Variants in CFAP46 observed in about 807,000 individuals in gnomAD.
CFAP46 encodes cilia- and flagella-associated protein 46.
Under a neutral mutation model 325.7 loss-of-function variants are expected in CFAP46, and 245 were observed. The observed-to-expected ratio is 0.75, with a 90% CI of 0.68 to 0.84. The LOEUF is 0.84. Ranked by LOEUF, CFAP46 falls within the 40% of genes least tolerant of loss-of-function variation. The pLI, the probability that CFAP46 is intolerant of heterozygous loss-of-function variation, is 0.00. For synonymous variants in CFAP46, 1,523 were observed against 1,495.9 expected (o/e 1.02, Z -0.42); for missense variants, 3,346 against 3,543.0 (o/e 0.94, Z 1.41).
intron 19 of CFAP46, among the ~76,000 whole-genome samples, chr10:132,912,312 GTC>G (rs1471809153): frequency 1.5e-5 from 1 of 66,468 alleles, no homozygotes; most frequent in Non-Finnish European, 2.5e-5. Context: ...TCTTTCTCCT[GTC>G]TCTTCTCCTC....
intron 39 of CFAP46, among the ~76,000 whole-genome samples, chr10:132,852,629 A>G (rs1370266933): frequency 6.6e-6 from 1 of 152,200 alleles, no homozygotes; most frequent in African/African-American, 2.4e-5. Flanking sequence ...CCATTTACTT[A>G]GACATTCTCA....
At position 132,877,033 on chromosome 10, in the gene CFAP46, C is replaced by T; in HGVS notation, c.4213-72G>A. On this transcript the variant is annotated intron_variant, in intron 30 of 57. Transcript: ENST00000368586. This position sits in a 1 kb window ranked among gnomAD's most constrained non-coding sequence, Gnocchi z 5.7. ...ACAGCAGACACCCCCGGCCCACCGG[C>T]ATGGCTGTGCAGCATTCAGGCCACA... The T allele has an allele frequency of 1.4e-6, 2 of 1,468,238 alleles. No homozygotes were observed. The highest frequency in any genetic ancestry group is 1.3e-5 in the South Asian group (1 of 74,268). The allele number at this position is 1,468,238 out of a possible 1,614,324, so 91.0% of individuals were successfully genotyped here.
chr10:132,810,864 C>G (rs549578858), intron 56 of CFAP46, 86 bp downstream of exon 56: 3 of 1,259,744 alleles, frequency 2.4e-6, no homozygotes, highest in Non-Finnish European at 3.4e-6. Context: ...GACCCCAGGT[C>G]CCTCCTCCCT....
intron 50 of CFAP46, among the ~76,000 whole-genome samples, chr10:132,829,358 G>A (rs1045503161): frequency 6.6e-6 from 1 of 152,178 alleles, no homozygotes; most frequent in Admixed American, 6.5e-5. Flanking sequence ...ATTTCTGATA[G>A]TTAGTTATAT....
At chr10:132,821,513 G>A (rs1163504758) in intron 50 of CFAP46, among the ~76,000 whole-genome samples, 1 of 142,342 alleles carries the variant, frequency 7.0e-6, no homozygotes, top group Non-Finnish European at 1.5e-5. Context: ...TGTGTGCGCT[G>A]TGTGCTGTGT....
rs773470438 is a variant in CFAP46, at chr10:132,919,304, C to T, written c.1858+11G>A. 56 of 1,547,504 alleles carry T rather than the reference C, an allele frequency of 3.6e-5. No homozygotes were observed. Among genetic ancestry groups the T allele is most frequent in the Admixed American group, 1.4e-4 (7 of 50,786 alleles). On this transcript the variant is annotated intron_variant, in intron 15 of 57. Coordinates refer to ENST00000368586, the MANE Select transcript of CFAP46 (RefSeq NM_001200049.3). The surrounding 1 kb of genome is among the most constrained non-coding windows in gnomAD (Gnocchi z 9.7). ...CCAGGCTGGGACACACTCGTGAGGG[C>T]GGGTACGAACCTCGCCGCAGCCTCA... is the stretch of plus-strand genomic sequence containing the variant.
chr10:132,881,160 G>T, intron 27 of CFAP46, 128 bp from the exon 28 acceptor site: 1 of 901,736 alleles, frequency 1.1e-6, no homozygotes, highest in East Asian at 2.7e-5. Context: ...GTGATCATTT[G>T]CAGGCCGCCT....
Position 132,886,077 on chromosome 10 carries a change from G to A in CFAP46, c.3305-118C>T. The A allele has an allele frequency of 7.4e-7, 1 of 1,348,280 alleles. No homozygotes were observed. The highest frequency in any genetic ancestry group is 1.4e-5 in the South Asian group (1 of 71,266). 83.5% of individuals were successfully genotyped at this position (1,348,280 alleles called of 1,614,324 possible). The stretch of plus-strand genomic sequence containing the variant: ...CCCCTGAGGTGGAACCGCGGCTACA[G>A]AGGTGCCCAGGCCAGCGCATGCCCC... On this transcript the variant is annotated intron_variant, in intron 25 of 57. Coordinates refer to ENST00000368586, the MANE Select transcript of CFAP46 (RefSeq NM_001200049.3). This position sits in a 1 kb window ranked among gnomAD's most constrained non-coding sequence, Gnocchi z 5.8.
rs541381667 is a variant in CFAP46, at chr10:132,814,322, C to T, written c.7286-68G>A. 9.6e-5 allele frequency: 130 copies of T among 1,357,778 alleles called. No homozygotes were observed. In the African/African-American group the frequency reaches 1.6e-3, roughly 17 times the overall value. 84.1% of individuals were successfully genotyped at this position (1,357,778 alleles called of 1,614,324 possible). A position where few individuals can be genotyped will look rare whatever the true frequency, so the allele number is the denominator to read the frequency against. ...AGACACGGGTGTGCAGGGCCGGGGT[C>T]CCTGGGGAGGGGTCACAGCGAATGC... On this transcript the variant is annotated intron_variant, in intron 53 of 57. Coordinates refer to ENST00000368586, the MANE Select transcript of CFAP46 (RefSeq NM_001200049.3).
chr10:132,921,258 C>G (rs1381696431), intron 13 of CFAP46, among the ~76,000 whole-genome samples: 1 of 152,200 alleles, frequency 6.6e-6, no homozygotes, highest in Non-Finnish European at 1.5e-5. Flanking sequence ...CAGCCCCCAG[C>G]AGGACCCTCA....
chr10:132,916,021 A>G (rs1849632235), intron 17 of CFAP46, among the ~76,000 whole-genome samples: 1 of 152,246 alleles, frequency 6.6e-6, no homozygotes, highest in African/African-American at 2.4e-5. Flanking sequence ...CTGAACTTGG[A>G]ACCTCACGTC....
intron 3 of CFAP46, 152 bp from the exon 4 acceptor site, chr10:132,941,212 A>C: frequency 1.2e-6 from 1 of 802,506 alleles, no homozygotes; most frequent in Non-Finnish European, 2.0e-6. Flanking sequence ...ACACAGCCTG[A>C]GTGTCGTGGC....
At chr10:132,855,412 C>A (rs1293962137) in intron 39 of CFAP46, among the ~76,000 whole-genome samples, 1 of 152,038 alleles carries the variant, frequency 6.6e-6, no homozygotes, top group African/African-American at 2.4e-5. Flanking sequence ...CTATTTATGT[C>A]TTAATATTTA....
rs1264565589 is a variant in CFAP46 at position 132,828,326 on chromosome 10, A to G, written c.7117+5032T>C. On this transcript the variant is annotated intron_variant, in intron 50 of 57. Coordinates refer to ENST00000368586, the MANE Select transcript of CFAP46 (RefSeq NM_001200049.3). This position sits in a 1 kb window ranked among gnomAD's most constrained non-coding sequence, Gnocchi z 4.9. ...CATTCACCATTCCCACCAGCCGAGT[A>G]TGAGGGTTCCGGTTCCACACCCTCC... is the stretch of plus-strand genomic sequence containing the variant. Among the ~76,000 whole-genome samples the G allele has an allele frequency of 6.6e-6, 1 of 152,222 alleles. No individual in the cohort carries two copies. Among genetic ancestry groups the G allele is most frequent in the Non-Finnish European group, 1.5e-5 (1 of 68,048 alleles).
chr10:132,920,235 G>C (rs770202688), intron 13 of CFAP46, 53 bp from the exon 14 acceptor site: 1 of 1,479,380 alleles, frequency 6.8e-7, no homozygotes, highest in Non-Finnish European at 9.0e-7. Context: ...AAGGGCCGGG[G>C]ACGTGCCCAT....
At chr10:132,834,952 G>T (rs958417217) in intron 47 of CFAP46, among the ~76,000 whole-genome samples, 177 bp from the exon 48 acceptor site, 1 of 152,262 alleles carries the variant, frequency 6.6e-6, no homozygotes, top group African/African-American at 2.4e-5. Context: ...CCTCTGGAGG[G>T]TCACCCTGAG....
Position 132,912,753 on chromosome 10 carries a change from C to T in CFAP46, c.2401G>A (p.Val801Ile), listed in dbSNP as rs1013911750. The T allele has an allele frequency of 6.5e-7, 1 of 1,550,344 alleles. No individual in the cohort carries two copies. Among genetic ancestry groups the T allele is most frequent in the Non-Finnish European group, 8.7e-7 (1 of 1,147,006 alleles). Residue 801 changes from valine to isoleucine, a missense_variant, in exon 19 of 58, where the codon GTC becomes ATC. Transcript: ENST00000368586. The stretch of plus-strand genomic sequence containing the variant: ...TTCCTGGACTTCTCGGCAGCCTGGA[C>T]TGGAATCCAGCTGATGATCAGGCCT... ...ARGLIISWIP[V>I]QAAEKSRKFM...
chr10:132,882,358 T>C (rs1849060310), intron 27 of CFAP46, among the ~76,000 whole-genome samples: 1 of 150,166 alleles, frequency 6.7e-6, no homozygotes, highest in Non-Finnish European at 1.5e-5. Context: ...GGGGGTGGGA[T>C]ACGTGGGGTG....
intron 50 of CFAP46, among the ~76,000 whole-genome samples, chr10:132,829,918 T>C (rs547445527): frequency 6.6e-6 from 1 of 152,340 alleles, no homozygotes; most frequent in South Asian, 2.1e-4. Flanking sequence ...ATTGTTTTGC[T>C]CCATTTCCTA....
Sources: allele counts gnomAD v4.1 joint callset (sites outside exome capture counted in the v4.1 genomes callset), GRCh38; gene constraint gnomAD v4.1.1; non-coding constraint Gnocchi (gnomAD v3.1); transcripts MANE v1.5; gene names NCBI Gene and HGNC (gene_info 2026-07-23, HGNC 2026-07-21).